TSGA13: variants seen among roughly 807,000 people sequenced by gnomAD.
TSGA13 encodes the protein testis specific 13, also known as testis-specific gene 13 protein.
A neutral mutation model predicts 35.1 loss-of-function variants in TSGA13; 37 were observed. That is an observed-to-expected ratio of 1.05 (90% CI 0.81 to 1.39). The LOEUF (loss-of-function observed/expected upper bound fraction) is 1.39, where lower values mean the gene tolerates loss of function less well. Among genes scored for constraint, TSGA13 ranks in the 40% most tolerant of loss-of-function variants. The pLI is 0.00. For synonymous variants in TSGA13, 124 were observed against 121.2 expected, an observed-to-expected ratio of 1.02 and a Z score of -0.15; for missense variants, 338 against 328.5, an observed-to-expected ratio of 1.03 and a Z score of -0.22.
At chr7:130,672,941 A>G (rs1246285624) in intron 5 of TSGA13, 65 bp from the exon 6 acceptor site, 31 of 1,504,692 alleles carry the variant, frequency 2.1e-5, no homozygotes, top group African/African-American at 5.6e-5. Context: ...TTAAGTTTGG[A>G]CCAAGTTCCT....
intron 7 of TSGA13, among the ~76,000 whole-genome samples, 175 bp downstream of exon 7, chr7:130,671,486 A>G (rs1464867656): frequency 6.6e-6 from 1 of 152,218 alleles, no homozygotes; most frequent in Non-Finnish European, 1.5e-5. Context: ...AACAGGGTCC[A>G]GAGCTTTGCA....
In TSGA13 at chr7:130,668,999, C is replaced by G. The variant is rs1431826950; in HGVS notation, c.*15G>C. On this transcript the variant is annotated 3_prime_UTR_variant, in exon 8 of 8. Coordinates refer to ENST00000356588, the MANE Select transcript of TSGA13 (RefSeq NM_052933.4). ...GTCTCAAGAGAGCGAGGCGGGAGGA[C>G]TGAGGGGTCTGTGTTCACCCGATGA... 2 of 1,613,208 alleles carry G rather than the reference C, an allele frequency of 1.2e-6. No homozygotes were observed. Among genetic ancestry groups the G allele is most frequent in the African/African-American group, 2.7e-5 (2 of 74,920 alleles).
rs142108840 is a variant in TSGA13 at position 130,675,008 on chromosome 7, A to G, written c.388-2132T>C. The stretch of plus-strand genomic sequence containing the variant: ...CATGTGCCTAATAACTAAGATATAG[A>G]TAACTATCCAGCCATAAGCAAAACC... On this transcript the variant is annotated intron_variant, in intron 5 of 7. Transcript: ENST00000356588. Among the ~76,000 whole-genome samples the G allele has an allele frequency of 4.4e-3, 673 of 152,310 alleles. 6 individuals are homozygous for G. The highest frequency in any genetic ancestry group is 0.015 in the African/African-American group (644 of 41,568).
rs978060206 is a variant in TSGA13, at chr7:130,686,526, A to G, written c.-415T>C. ...AACTTTCCATTTTGAAAATATCGTA[A>G]TTATTCTTTTCTGGATTCTGGAGGA... On this transcript the variant is annotated 5_prime_UTR_variant, in exon 1 of 8. Transcript: ENST00000356588. The G allele has an allele frequency of 2.0e-5, 3 of 152,028 alleles. No individual in the cohort carries two copies. Among genetic ancestry groups the G allele is most frequent in the African/African-American group, 7.3e-5 (3 of 41,360 alleles). 9.4% of individuals were successfully genotyped at this position (152,028 alleles called of 1,614,324 possible).
intron 4 of TSGA13, among the ~76,000 whole-genome samples, chr7:130,680,452 G>A (rs1796517377): frequency 6.6e-6 from 1 of 150,828 alleles, no homozygotes; most frequent in South Asian, 2.1e-4. Context: ...CTTGCAGTGA[G>A]CCGAGATCGC....
At chr7:130,682,141 A>G (rs781952321) in intron 3 of TSGA13, among the ~76,000 whole-genome samples, 15 of 151,166 alleles carry the variant, frequency 9.9e-5, no homozygotes, top group Non-Finnish European at 2.1e-4. Context: ...TTTTTTTGCT[A>G]CTGAGTCTCG....
intron 5 of TSGA13, among the ~76,000 whole-genome samples, chr7:130,675,391 G>A (rs1467505146): frequency 7.0e-6 from 1 of 143,110 alleles, no homozygotes; most frequent in Non-Finnish European, 1.5e-5. Flanking sequence ...TGGGGGGGGT[G>A]GGGTGGGGAG....
chr7:130,671,538 GA>G, intron 7 of TSGA13, 122 bp downstream of exon 7: 7 of 1,154,844 alleles, frequency 6.1e-6, no homozygotes, highest in African/African-American at 1.6e-5. Flanking sequence ...ATGCTATAGG[GA>G]AAAATAGTCT....
chr7:130,683,510 G>T, intron 3 of TSGA13, 84 bp downstream of exon 3: 2 of 1,283,074 alleles, frequency 1.6e-6, no homozygotes, highest in Admixed American at 2.4e-5. Context: ...TTTCAATAGG[G>T]AAGTTTGTGA....
intron 3 of TSGA13, 89 bp downstream of exon 3, chr7:130,683,505 A>G (rs1209759959): frequency 4.8e-6 from 6 of 1,245,736 alleles, no homozygotes; most frequent in East Asian, 4.8e-5. Context: ...TTGCTTTTCA[A>G]TAGGGAAGTT....
chr7:130,685,255 A>G lies in TSGA13; in HGVS notation c.-45T>C. 1 of 1,611,260 alleles carries G rather than the reference A, an allele frequency of 6.2e-7. No individual in the cohort carries two copies. The highest frequency in any genetic ancestry group is 8.5e-7 in the Non-Finnish European group (1 of 1,177,506). ...GCCAACCCAAGGCAGGTATTCACCCAAGGCCAAATTCAGGTCTCTAAATAG... is the reference window on the plus strand; with the variant it reads ...GCCAACCCAAGGCAGGTATTCACCCGAGGCCAAATTCAGGTCTCTAAATAG... On this transcript the variant is annotated 5_prime_UTR_variant, in exon 2 of 8. Transcript: ENST00000356588.
chr7:130,679,338 A>G lies in TSGA13; in HGVS notation c.204T>C (p.Thr68=), dbSNP rs1225638562. The part of the protein sequence containing the change: ...LAQYYKPLKA[T]ALQKFLAQNR... ...TTTGAGCCAGGAATTTCTGCAGGGC[A>G]GTGGCCTTCAAAGGCTTATAGTACT... The change falls in exon 5 of 8, where the codon ACT becomes ACC. Residue 68 remains threonine, a synonymous_variant. Coordinates refer to ENST00000356588, the MANE Select transcript of TSGA13 (RefSeq NM_052933.4). 6 of 1,613,390 alleles carry G rather than the reference A, an allele frequency of 3.7e-6. No individual in the cohort carries two copies. The highest frequency in any genetic ancestry group is 2.2e-5 in the East Asian group (1 of 44,896).
At chr7:130,676,386 T>A (rs1554464115) in intron 5 of TSGA13, among the ~76,000 whole-genome samples, 1 of 152,244 alleles carries the variant, frequency 6.6e-6, no homozygotes, top group Non-Finnish European at 1.5e-5. Flanking sequence ...GATTAGATTC[T>A]GCACCTGAAC....
intron 5 of TSGA13, among the ~76,000 whole-genome samples, chr7:130,674,486 C>T (rs543309583): frequency 6.6e-6 from 1 of 152,294 alleles, no homozygotes; most frequent in Admixed American, 6.5e-5. Flanking sequence ...TTCTTAACTA[C>T]ACTATCTAAC....
chr7:130,671,846 A>G, intron 6 of TSGA13, 58 bp from the exon 7 acceptor site: 4 of 1,146,524 alleles, frequency 3.5e-6, no homozygotes, highest in Non-Finnish European at 4.5e-6. Context: ...TCATGGAACT[A>G]TTCACTTTAT....
Position 130,685,333 on chromosome 7 carries a change from A to C in TSGA13, c.-123T>G. On this transcript the variant is annotated 5_prime_UTR_variant, in exon 2 of 8. Coordinates refer to ENST00000356588, the MANE Select transcript of TSGA13 (RefSeq NM_052933.4). Reference sequence around the variant, plus strand: ...TCCAAATATTCTTTCCTTAGCACACAGTGTGTACTCATGCCCCATTCTTGA... The same window carrying C: ...TCCAAATATTCTTTCCTTAGCACACCGTGTGTACTCATGCCCCATTCTTGA... The C allele has an allele frequency of 6.4e-7, 1 of 1,559,030 alleles. No homozygotes were observed. The highest frequency in any genetic ancestry group is 1.2e-5 in the South Asian group (1 of 84,378).
chr7:130,673,458 C>T (rs377128853), intron 5 of TSGA13, among the ~76,000 whole-genome samples: 3 of 151,498 alleles, frequency 2.0e-5, no homozygotes, highest in African/African-American at 7.3e-5. Flanking sequence ...TCTTTCTTTA[C>T]CTAAAAAAAA....
At chr7:130,670,348 C>G (rs1796234625) in intron 7 of TSGA13, among the ~76,000 whole-genome samples, 1 of 152,120 alleles carries the variant, frequency 6.6e-6, no homozygotes, top group South Asian at 2.1e-4. Flanking sequence ...ACGGGTTGAG[C>G]AATCACTGCA....
chr7:130,668,771 G>A lies in TSGA13; in HGVS notation c.*243C>T. ...AAGGCCGGCCCCGCGCTCTCACGCC[G>A]GTTGGGCCGCCGCGCCTTCACTCGG... On this transcript the variant is annotated 3_prime_UTR_variant, in exon 8 of 8. Transcript: ENST00000356588. The A allele has an allele frequency of 4.3e-6, 6 of 1,396,836 alleles. No individual in the cohort carries two copies. In the South Asian group the frequency reaches 8.4e-5, roughly 20 times the overall value. The allele number at this position is 1,396,836 out of a possible 1,614,324, so 86.5% of individuals were successfully genotyped here.
Sources: gnomAD v4.1 joint callset for allele counts (sites outside exome capture counted in the v4.1 genomes callset) on GRCh38, gnomAD v4.1.1 for gene constraint, MANE v1.5 for transcripts, NCBI Gene and HGNC (gene_info 2026-07-23, HGNC 2026-07-21) for gene names.